Variants in MYO5B observed in about 807,000 individuals in gnomAD.
MYO5B encodes the protein myosin VB, also known as unconventional myosin-Vb.
A neutral mutation model predicts 229.3 loss-of-function variants in MYO5B; 143 were observed. The observed-to-expected ratio is 0.62, with a 90% CI of 0.54 to 0.72. The LOEUF is 0.72. Ranked by LOEUF, MYO5B falls within the 30% of genes least tolerant of loss-of-function variation. The pLI is 0.00. For missense variants in MYO5B, 2,321 were observed against 2,331.0 expected, an observed-to-expected ratio of 1.00 and a Z score of 0.09; for synonymous variants, 918 against 885.2, an observed-to-expected ratio of 1.04 and a Z score of -0.66.
intron 34 of MYO5B, among the ~76,000 whole-genome samples, chr18:49,842,307 G>A (rs1193632768): frequency 6.6e-6 from 1 of 152,170 alleles, no homozygotes; most frequent in Non-Finnish European, 1.5e-5. Flanking sequence ...CGAGCATGCA[G>A]ATATGTTTTA....
Position 49,997,267 on chromosome 18 carries a change from TAA to T in MYO5B, c.612+3986_612+3987del, listed in dbSNP as rs58927375. ...GGGTGACAAAGCAAGGTCCTGTCTT[TAA>T]AAAAAAAAAAAAAAAAAAAAAAAAA... On this transcript the variant is annotated intron_variant, in intron 5 of 39. Transcript: ENST00000285039. Among the ~76,000 whole-genome samples the T allele has an allele frequency of 8.6e-3, 864 of 100,782 alleles. 17 individuals carry two copies. Among genetic ancestry groups the T allele is most frequent in the African/African-American group, 0.021 (479 of 22,394 alleles). 66.1% of individuals were successfully genotyped at this position (100,782 alleles called of 152,430 possible).
intron 1 of MYO5B, among the ~76,000 whole-genome samples, chr18:50,108,432 G>A (rs1280456492): frequency 1.3e-5 from 2 of 152,170 alleles, no homozygotes; most frequent in East Asian, 1.9e-4. Flanking sequence ...TCTAGTACAT[G>A]AACAAACCAC....
chr18:49,955,715 G>A (rs1016858474), intron 12 of MYO5B, among the ~76,000 whole-genome samples: 1 of 152,234 alleles, frequency 6.6e-6, no homozygotes, highest in African/African-American at 2.4e-5. Flanking sequence ...CTATCTTGAA[G>A]GAGGCTATTA....
At chr18:50,006,026 C>G (rs1272344503) in intron 4 of MYO5B, among the ~76,000 whole-genome samples, 3 of 152,176 alleles carry the variant, frequency 2.0e-5, no homozygotes, top group Non-Finnish European at 4.4e-5. Flanking sequence ...GTCATTTCAC[C>G]TGCCGTGTGA....
chr18:50,005,720 T>G (rs2026094233), intron 4 of MYO5B, among the ~76,000 whole-genome samples: 1 of 152,180 alleles, frequency 6.6e-6, no homozygotes, highest in Admixed American at 6.5e-5. Flanking sequence ...TGGCCTATAT[T>G]TCTTATAAGA....
chr18:49,960,171 G>T (rs2025542480), intron 12 of MYO5B, among the ~76,000 whole-genome samples: 1 of 152,122 alleles, frequency 6.6e-6, no homozygotes, highest in Admixed American at 6.5e-5. Context: ...GCTTCCCCAA[G>T]AAAAGTGATT....
intron 16 of MYO5B, among the ~76,000 whole-genome samples, chr18:49,935,701 A>G (rs1394808694): frequency 6.6e-6 from 1 of 152,264 alleles, no homozygotes; most frequent in Admixed American, 6.5e-5. Context: ...CAGCCACATG[A>G]GCATGGACAG....
chr18:49,987,459 A>G (rs2025883146), intron 7 of MYO5B, among the ~76,000 whole-genome samples: 1 of 152,044 alleles, frequency 6.6e-6, no homozygotes, highest in African/African-American at 2.4e-5. Flanking sequence ...TCCCATCCCA[A>G]AGCAACTTCT....
chr18:49,981,370 G>A (rs1318466963), intron 8 of MYO5B, among the ~76,000 whole-genome samples: 2 of 152,118 alleles, frequency 1.3e-5, no homozygotes, highest in African/African-American at 4.8e-5. Flanking sequence ...AATTTTTAAG[G>A]CAATATTTTA....
intron 16 of MYO5B, among the ~76,000 whole-genome samples, chr18:49,933,968 T>C (rs1287482081): frequency 1.3e-5 from 2 of 152,152 alleles, no homozygotes; most frequent in Non-Finnish European, 2.9e-5. Flanking sequence ...CTCAAACTCC[T>C]GGGCTCAAGC....
intron 1 of MYO5B, among the ~76,000 whole-genome samples, chr18:50,123,364 G>A (rs997639590): frequency 1.4e-4 from 22 of 152,168 alleles, no homozygotes; most frequent in African/African-American, 4.8e-4. Context: ...GCACAACATT[G>A]TGGATGAACT....
chr18:50,037,224 C>A (rs991281956), intron 3 of MYO5B, among the ~76,000 whole-genome samples: 13 of 147,022 alleles, frequency 8.8e-5, no homozygotes, highest in African/African-American at 3.3e-4. Flanking sequence ...CAAACACACA[C>A]ACACACACAC....
At chr18:50,025,414 C>T (rs938249597) in intron 4 of MYO5B, among the ~76,000 whole-genome samples, 6 of 152,172 alleles carry the variant, frequency 3.9e-5, no homozygotes, top group Admixed American at 6.5e-5. Context: ...TCTGTGATCC[C>T]CTTAAAAACT....
chr18:49,880,301 G>A lies in MYO5B; in HGVS notation c.3130+70C>T. 5.3e-6 allele frequency: 7 copies of A among 1,314,728 alleles called. No homozygotes were observed. In the South Asian group the frequency reaches 7.1e-5, roughly 13 times the overall value. 81.4% of individuals were successfully genotyped at this position (1,314,728 alleles called of 1,614,324 possible). Reference sequence around the variant, plus strand: ...TAGTCTAACTGCATGCTTGCTAGGAGTCTTTGGGAGAAGTCAGTGAGGAAA... The same window carrying A: ...TAGTCTAACTGCATGCTTGCTAGGAATCTTTGGGAGAAGTCAGTGAGGAAA... On this transcript the variant is annotated intron_variant, in intron 23 of 39. Coordinates refer to ENST00000285039, the MANE Select transcript of MYO5B (RefSeq NM_001080467.3).
intron 39 of MYO5B, among the ~76,000 whole-genome samples, chr18:49,829,202 C>G (rs951501485): frequency 6.6e-5 from 10 of 151,506 alleles, no homozygotes; most frequent in African/African-American, 2.2e-4. Context: ...CCTCAGCCCC[C>G]CAAGTAGCTG....
At position 50,023,817 on chromosome 18, in the gene MYO5B, C is replaced by T. The variant is rs191614704; in HGVS notation, c.455+13033G>A. 8.5e-5 allele frequency among the ~76,000 whole-genome samples: 13 copies of T among 152,160 alleles called. No individual in the cohort carries two copies. The East Asian group carries it at 2.3e-3, about 27-fold the overall frequency. ...TTTCAAAAGTGGAATGGCTGCCTCC[C>T]GGAGACACTAGAAGTTTCCAGCCTA... On this transcript the variant is annotated intron_variant, in intron 4 of 39. Transcript: ENST00000285039.
chr18:49,960,688 T>C (rs2025548855), intron 12 of MYO5B, among the ~76,000 whole-genome samples: 1 of 152,190 alleles, frequency 6.6e-6, no homozygotes, highest in Non-Finnish European at 1.5e-5. Context: ...TATTCCCTAA[T>C]GTGGTGTTCA....
At chr18:50,156,045 C>T (rs1250273049) in intron 1 of MYO5B, among the ~76,000 whole-genome samples, 3 of 152,192 alleles carry the variant, frequency 2.0e-5, no homozygotes, top group African/African-American at 7.2e-5. Flanking sequence ...GGGACCACAC[C>T]CACATAAATC....
intron 1 of MYO5B, among the ~76,000 whole-genome samples, chr18:50,136,794 T>C (rs986132899): frequency 2.6e-5 from 4 of 152,168 alleles, no homozygotes; most frequent in Admixed American, 1.3e-4. Flanking sequence ...TGGAGAATTA[T>C]AGCAAAGATG....
Sources: gnomAD v4.1 joint callset for allele counts (sites outside exome capture counted in the v4.1 genomes callset) on GRCh38, gnomAD v4.1.1 for gene constraint, MANE v1.5 for transcripts, NCBI Gene and HGNC (gene_info 2026-07-23, HGNC 2026-07-21) for gene names.